PPID: variants seen among roughly 807,000 people sequenced by gnomAD.
The protein encoded by PPID is peptidyl-prolyl cis-trans isomerase D.
Under a neutral mutation model 48.1 loss-of-function variants are expected in PPID, and 47 were observed. That is an observed-to-expected ratio of 0.98 (90% CI 0.77 to 1.25). PPID has a LOEUF of 1.25. Ranked by LOEUF, PPID falls within the 50% of genes most tolerant of loss-of-function variation. The pLI is 0.00. For synonymous variants in PPID, 163 were observed against 148.8 expected (o/e 1.10, Z -0.69); for missense variants, 429 against 443.5 (o/e 0.97, Z 0.29).
chr4:158,713,359 C>A (rs777038029), intron 6 of PPID, 99 bp from the exon 7 acceptor site: 8 of 1,163,372 alleles, frequency 6.9e-6, no homozygotes, highest in Non-Finnish European at 9.2e-6. Context: ...ATATAAAAAG[C>A]TCTAAAAATG....
At chr4:158,720,021 A>G (rs1180996368) in intron 2 of PPID, among the ~76,000 whole-genome samples, 1 of 152,206 alleles carries the variant, frequency 6.6e-6, no homozygotes, top group Non-Finnish European at 1.5e-5. Context: ...AAATGCAGCA[A>G]CATGTACACA....
At chr4:158,715,900 A>G (rs1774863653) in intron 4 of PPID, among the ~76,000 whole-genome samples, 1 of 152,178 alleles carries the variant, frequency 6.6e-6, no homozygotes, top group Non-Finnish European at 1.5e-5. Context: ...CAATAAACAC[A>G]GAATAAGTTG....
At chr4:158,721,201 C>G in intron 2 of PPID, 142 bp downstream of exon 2, 2 of 999,572 alleles carry the variant, frequency 2.0e-6, no homozygotes, top group South Asian at 1.7e-5. Flanking sequence ...CTAACCTTTA[C>G]GAAACTGCGT....
At position 158,715,665 on chromosome 4, in the gene PPID, C is replaced by A; in HGVS notation, c.542G>T (p.Cys181Phe). 1 of 1,609,912 alleles carries A rather than the reference C, an allele frequency of 6.2e-7. No homozygotes were observed. Among genetic ancestry groups the A allele is most frequent in the Non-Finnish European group, 8.5e-7 (1 of 1,176,128 alleles). The change falls in exon 5 of 10, where the codon TGT becomes TTT. Residue 181 changes from cysteine (C) to phenylalanine (F), a missense_variant. Transcript: ENST00000307720. The stretch of plus-strand genomic sequence containing the variant: ...GTCATCTCCTTCCTTCAATTCTCCA[C>A]ATTCTGCAATAACGCACAACTGTAA... Reference protein sequence around the residue: ...KPAKLCVIAECGELKEGDDGG... With the variant: ...KPAKLCVIAEFGELKEGDDGG...
intron 3 of PPID, among the ~76,000 whole-genome samples, chr4:158,717,704 T>C (rs1188635112): frequency 6.6e-6 from 1 of 152,152 alleles, no homozygotes; most frequent in African/African-American, 2.4e-5. Flanking sequence ...GATACTGAAT[T>C]TACCCAAGAC....
chr4:158,720,373 ATTT>A (rs1774937457), intron 2 of PPID, among the ~76,000 whole-genome samples: 2 of 152,164 alleles, frequency 1.3e-5, no homozygotes, highest in African/African-American at 2.4e-5. Context: ...TAAAAAGTTA[ATTT>A]TTTCTTAATA....
At chr4:158,720,369 GTTAA>G (rs1774937350) in intron 2 of PPID, among the ~76,000 whole-genome samples, 1 of 152,080 alleles carries the variant, frequency 6.6e-6, no homozygotes, top group African/African-American at 2.4e-5. Flanking sequence ...TTTTTAAAAA[GTTAA>G]TTTTTTCTTA....
intron 7 of PPID, among the ~76,000 whole-genome samples, 193 bp from the exon 8 acceptor site, chr4:158,711,041 G>A (rs1774782174): frequency 6.6e-6 from 1 of 152,162 alleles, no homozygotes; most frequent in Non-Finnish European, 1.5e-5. Flanking sequence ...ACATGGAGGA[G>A]AAAGACATTT....
At chr4:158,720,847 T>C (rs371406185) in intron 2 of PPID, among the ~76,000 whole-genome samples, 23 of 152,048 alleles carry the variant, frequency 1.5e-4, no homozygotes, top group East Asian at 9.6e-4. Flanking sequence ...CCCGAGTAGC[T>C]GGGACTACAG....
At chr4:158,714,077 T>C (rs916860097) in intron 6 of PPID, among the ~76,000 whole-genome samples, 1 of 151,926 alleles carries the variant, frequency 6.6e-6, no homozygotes, top group Non-Finnish European at 1.5e-5. Flanking sequence ...ACTTAAAAAA[T>C]ATGCGGGAGG....
At chr4:158,718,149 G>A (rs1353620768) in intron 3 of PPID, among the ~76,000 whole-genome samples, 1 of 152,086 alleles carries the variant, frequency 6.6e-6, no homozygotes, top group Non-Finnish European at 1.5e-5. Flanking sequence ...CATCCTTCTG[G>A]TAGCTTCCTT....
intron 7 of PPID, among the ~76,000 whole-genome samples, chr4:158,711,669 T>G (rs1172039960): frequency 1.3e-5 from 2 of 152,036 alleles, no homozygotes; most frequent in Non-Finnish European, 2.9e-5. Context: ...GCCTCACAGG[T>G]CAAAAAGAGA....
chr4:158,715,331 C>T lies in PPID; in HGVS notation c.718G>A (p.Glu240Lys). The change falls in exon 6 of 10, where the codon GAG (glutamate) becomes AAG (lysine). Residue 240 changes from glutamate (E) to lysine (K), a missense_variant. Glu to Lys is a moderately conservative substitution (Grantham distance 56). Coordinates refer to ENST00000307720, the MANE Select transcript of PPID (RefSeq NM_005038.3). ...TCTGCATATTTTTTAATAGCCATCT[C>T]CCAGTTCTGGGATTTGAAAAAAGTA... The part of the protein sequence containing the change: ...GNTFFKSQNW[E>K]MAIKKYAEVL... 1 of 1,536,232 alleles carries T rather than the reference C, an allele frequency of 6.5e-7. No individual in the cohort carries two copies. Among genetic ancestry groups the T allele is most frequent in the Non-Finnish European group, 8.7e-7 (1 of 1,143,528 alleles).
chr4:158,711,691 C>T (rs1774793410), intron 7 of PPID, among the ~76,000 whole-genome samples: 1 of 152,168 alleles, frequency 6.6e-6, no homozygotes, highest in Admixed American at 6.5e-5. Context: ...CGAGGCTGGG[C>T]AGAGAGGCTC....
chr4:158,723,163 G>A lies in PPID; in HGVS notation c.85+41C>T, dbSNP rs755678651. The A allele has an allele frequency of 3.8e-5, 60 of 1,571,370 alleles. No homozygotes were observed. The Admixed American group carries it at 9.8e-4, about 26-fold the overall frequency. Reference sequence around the variant, plus strand: ...AATCCCCCAAATCCCGGGAACCCCCGCCTCCTCGGGGCTTTTCCGCGAGCG... The same window carrying A: ...AATCCCCCAAATCCCGGGAACCCCCACCTCCTCGGGGCTTTTCCGCGAGCG... On this transcript the variant is annotated intron_variant, in intron 1 of 9. Coordinates refer to ENST00000307720, the MANE Select transcript of PPID (RefSeq NM_005038.3).
At chr4:158,722,744 G>C (rs1774984139) in intron 1 of PPID, among the ~76,000 whole-genome samples, 2 of 152,318 alleles carry the variant, frequency 1.3e-5, no homozygotes, top group East Asian at 3.9e-4. Context: ...TAAGGCAAAA[G>C]CAATGAGCAA....
chr4:158,721,300 T>C (rs773590280), intron 2 of PPID, 43 bp downstream of exon 2: 1 of 1,597,464 alleles, frequency 6.3e-7, no homozygotes, highest in Non-Finnish European at 8.6e-7. Flanking sequence ...GAACAGGACT[T>C]GTCTGTATGA....
rs776056539 is a variant in PPID, at chr4:158,717,204, T to C, written c.334-4A>G. ...TCAGTAAACCCTCCCGATCATGCTGTAGAAATAAAAATTAAAAGAAAACCA... is the reference window on the plus strand; with the variant it reads ...TCAGTAAACCCTCCCGATCATGCTGCAGAAATAAAAATTAAAAGAAAACCA... On this transcript the variant is annotated splice_polypyrimidine_tract_variant and splice_region_variant and intron_variant, in intron 3 of 9. Transcript: ENST00000307720. 49 of 1,598,492 alleles carry C rather than the reference T, an allele frequency of 3.1e-5. No homozygotes were observed. Among genetic ancestry groups the C allele is most frequent in the Non-Finnish European group, 4.0e-5 (47 of 1,175,064 alleles).
At chr4:158,709,847 G>C (rs371652848) in intron 9 of PPID, 23 bp from the exon 10 acceptor site, 1 of 1,560,246 alleles carries the variant, frequency 6.4e-7, no homozygotes, top group African/African-American at 1.4e-5. Context: ...TATGCAATGT[G>C]AGTTATTTCT....
Sources: allele counts gnomAD v4.1 joint callset (sites outside exome capture counted in the v4.1 genomes callset), GRCh38; gene constraint gnomAD v4.1.1; transcripts MANE v1.5; gene names NCBI Gene and HGNC (gene_info 2026-07-23, HGNC 2026-07-21).